MTHFD1: variants seen among roughly 807,000 people sequenced by gnomAD.
MTHFD1 encodes C-1-tetrahydrofolate synthase, cytoplasmic.
MTHFD1 carries 44 observed loss-of-function variants against 110.3 expected under a neutral mutation model. The observed-to-expected ratio is 0.40, with a 90% CI of 0.31 to 0.51. The LOEUF (loss-of-function observed/expected upper bound fraction) is 0.51. Among genes scored for constraint, MTHFD1 ranks in the 20% least tolerant of loss-of-function variants. MTHFD1 has a pLI of 0.60. For missense variants in MTHFD1, 909 were observed against 1,173.1 expected (o/e 0.77, Z 3.29); for synonymous variants, 402 against 428.8 (o/e 0.94, Z 0.77).
At chr14:64,389,954 CTGAG>C (rs1249342400) in intron 1 of MTHFD1, among the ~76,000 whole-genome samples, 3 of 152,158 alleles carry the variant, frequency 2.0e-5, no homozygotes, top group African/African-American at 7.2e-5. Flanking sequence ...TGGGCCAGTA[CTGAG>C]AATAGGTGCT....
rs779801406 is a variant in MTHFD1, at chr14:64,419,912, C to A, written c.714C>A (p.Ile238=). 8.1e-6 allele frequency: 13 copies of A among 1,612,138 alleles called. No individual in the cohort carries two copies. Among genetic ancestry groups the A allele is most frequent in the Non-Finnish European group, 1.1e-5 (13 of 1,178,358 alleles). ...GGGCAATAGTCATCGACTGTGGAAT[C>A]AATTATGTCCCAGGTGAGTGTTGTT... ...KPGAIVIDCG[I]NYVPDDKKPN... Residue 238 remains isoleucine (I), a synonymous_variant, in exon 8 of 28, where the codon ATC becomes ATA. Coordinates refer to ENST00000652337, the MANE Select transcript of MTHFD1 (RefSeq NM_005956.4).
intron 23 of MTHFD1, 142 bp from the exon 24 acceptor site, chr14:64,449,303 C>G: frequency 1.1e-6 from 1 of 919,154 alleles, no homozygotes; most frequent in South Asian, 1.4e-5. Flanking sequence ...AGTTTCGGAG[C>G]TGAGATTCAA....
At chr14:64,433,323 T>C (rs966818826) in intron 15 of MTHFD1, among the ~76,000 whole-genome samples, 1 of 152,244 alleles carries the variant, frequency 6.6e-6, no homozygotes, top group East Asian at 1.9e-4. Context: ...TTCATCATGT[T>C]GGCCAGGCTG....
chr14:64,388,636 G>C, intron 1 of MTHFD1, 168 bp downstream of exon 1: 1 of 714,608 alleles, frequency 1.4e-6, no homozygotes, highest in Non-Finnish European at 2.5e-6. Context: ...CACAACCTGC[G>C]TTTGCAAGTG....
At position 64,449,514 on chromosome 14, in the gene MTHFD1, G is replaced by C. The variant is rs61985661; in HGVS notation, c.2349G>C (p.Val783=). Residue 783 remains valine, a synonymous_variant, in exon 24 of 28, where the codon GTG becomes GTC. Coordinates refer to ENST00000652337, the MANE Select transcript of MTHFD1 (RefSeq NM_005956.4). ...LSREHGAFDA[V]KCTHWAEGGK... ...GAGAACATGGGGCTTTTGATGCCGT[G>C]AAGTGCACTCACTGGGCAGAAGGGG... 2.4e-5 allele frequency: 39 copies of C among 1,614,092 alleles called. No individual in the cohort carries two copies. The highest frequency in any genetic ancestry group is 5.3e-5 in the African/African-American group (4 of 74,948).
intron 2 of MTHFD1, among the ~76,000 whole-genome samples, chr14:64,403,200 C>T (rs763810841): frequency 1.3e-5 from 2 of 151,950 alleles, no homozygotes; most frequent in African/African-American, 2.4e-5. Context: ...CTGCAGCCTC[C>T]GCTCCCAGAT....
At chr14:64,456,319 C>T (rs545828964) in intron 26 of MTHFD1, among the ~76,000 whole-genome samples, 1 of 152,318 alleles carries the variant, frequency 6.6e-6, no homozygotes, top group African/African-American at 2.4e-5. Context: ...TATTCTAACA[C>T]CTTCCAGTTG....
chr14:64,437,312 C>T (rs2078213837), intron 16 of MTHFD1, among the ~76,000 whole-genome samples: 1 of 152,146 alleles, frequency 6.6e-6, no homozygotes, highest in Non-Finnish European at 1.5e-5. Context: ...TGTTCTAAAA[C>T]ATATTCAGCC....
chr14:64,441,602 C>G lies in MTHFD1; in HGVS notation c.1884+149C>G, dbSNP rs191805863. Reference sequence around the variant, plus strand: ...TGGGCAGATCACAAGGTCAGGAGATCGAGACCATCCTGGCTAACATGGTGA... The same window carrying G: ...TGGGCAGATCACAAGGTCAGGAGATGGAGACCATCCTGGCTAACATGGTGA... On this transcript the variant is annotated intron_variant, in intron 19 of 27. Coordinates refer to ENST00000652337, the MANE Select transcript of MTHFD1 (RefSeq NM_005956.4). The G allele has an allele frequency of 1.7e-3, 1,148 of 688,226 alleles. 8 individuals carry two copies. Among genetic ancestry groups the G allele is most frequent in the Middle Eastern group, 2.0e-3 (5 of 2,550 alleles). The allele number at this position is 688,226 out of a possible 1,614,324, so 42.6% of individuals were successfully genotyped here. A position where few individuals can be genotyped will look rare whatever the true frequency, so the allele number is the denominator to read the frequency against.
At chr14:64,409,347 C>A (rs928568118) in intron 2 of MTHFD1, among the ~76,000 whole-genome samples, 12 of 152,170 alleles carry the variant, frequency 7.9e-5, no homozygotes, top group African/African-American at 2.9e-4. Flanking sequence ...AGTTACATTT[C>A]ACTTACTTGA....
rs1346035803 is a variant in MTHFD1 at position 64,459,819 on chromosome 14, T to G, written c.*65T>G. On this transcript the variant is annotated 3_prime_UTR_variant, in exon 28 of 28. Coordinates refer to ENST00000652337, the MANE Select transcript of MTHFD1 (RefSeq NM_005956.4). ...CTGGCCAGTGTCTATTCAGGCCCAC[T>G]GGGAGTTAGGAAGTATAAGTAAGCC... 2 of 1,536,002 alleles carry G rather than the reference T, an allele frequency of 1.3e-6. No homozygotes were observed. The highest frequency in any genetic ancestry group is 1.4e-5 in the African/African-American group (1 of 73,166).
chr14:64,430,335 T>C, intron 13 of MTHFD1, 105 bp downstream of exon 13: 1 of 1,107,062 alleles, frequency 9.0e-7, no homozygotes, highest in East Asian at 2.4e-5. Flanking sequence ...TCTTGCTCTG[T>C]TGCCCAGAGC....
intron 15 of MTHFD1, among the ~76,000 whole-genome samples, chr14:64,433,786 G>A (rs111809053): frequency 1.0e-4 from 15 of 148,128 alleles, no homozygotes; most frequent in Non-Finnish European, 2.1e-4. Context: ...ATCCCAGAAC[G>A]TTGGGAAGCT....
chr14:64,436,570 C>A (rs1286239296), intron 16 of MTHFD1, among the ~76,000 whole-genome samples: 1 of 152,204 alleles, frequency 6.6e-6, no homozygotes, highest in East Asian at 1.9e-4. Flanking sequence ...AACAATGCAA[C>A]CTTCTATTCT....
At position 64,442,127 on chromosome 14, in the gene MTHFD1, G is replaced by A. The variant is rs2236225; in HGVS notation, c.1958G>A (p.Arg653Gln). 714,970 of 1,613,486 alleles carry A rather than the reference G, an allele frequency of 0.44. 162,717 individuals carry two copies. The highest frequency in any genetic ancestry group is 0.56 in the Admixed American group (33,672 of 60,004). ...GGCAATTCCTCCATCATTGCAGACC[G>A]GATCGCACTCAAGCTTGTTGGCCCA... is the stretch of plus-strand genomic sequence containing the variant. Reference protein sequence around the residue: ...AHGNSSIIADRIALKLVGPEG... With the variant: ...AHGNSSIIADQIALKLVGPEG... The change falls in exon 20 of 28, where the codon CGG becomes CAG. Residue 653 changes from arginine (R) to glutamine (Q), a missense_variant. Physicochemically the swap from Arg to Gln is conservative, Grantham distance 43. Around this residue, in one of 3 missense-constraint regions of MTHFD1, gnomAD observed 482 missense variants for 646.0 expected, o/e 0.75. Coordinates refer to ENST00000652337, the MANE Select transcript of MTHFD1 (RefSeq NM_005956.4).
At chr14:64,406,047 A>ATTTT (rs201337278) in intron 2 of MTHFD1, among the ~76,000 whole-genome samples, 1 of 147,746 alleles carries the variant, frequency 6.8e-6, no homozygotes, top group Non-Finnish European at 1.5e-5. Context: ...TATTATTATT[A>ATTTT]TTTTTTTTGA....
At chr14:64,397,699 T>C (rs1051241971) in intron 1 of MTHFD1, among the ~76,000 whole-genome samples, 1 of 152,254 alleles carries the variant, frequency 6.6e-6, no homozygotes, top group African/African-American at 2.4e-5. Context: ...ACTCTAAGCT[T>C]ATGGCACATT....
chr14:64,419,805 T>C lies in MTHFD1; in HGVS notation c.616-9T>C. ...TTTCATTTCTGATGTCCAAATCCCC[T>C]ACCCCTAGGTAAATAAAGGTGACAT... On this transcript the variant is annotated splice_polypyrimidine_tract_variant and intron_variant, in intron 7 of 27. Transcript: ENST00000652337. 1 of 1,588,974 alleles carries C rather than the reference T, an allele frequency of 6.3e-7. No individual in the cohort carries two copies. Among genetic ancestry groups the C allele is most frequent in the Non-Finnish European group, 8.6e-7 (1 of 1,157,056 alleles).
At chr14:64,442,778 T>C (rs1596553382) in intron 21 of MTHFD1, among the ~76,000 whole-genome samples, 1 of 152,148 alleles carries the variant, frequency 6.6e-6, no homozygotes, top group East Asian at 1.9e-4. Context: ...ACCAGTTAGC[T>C]GAGACAGAGG....
Sources: gnomAD v4.1 joint callset for allele counts (sites outside exome capture counted in the v4.1 genomes callset) on GRCh38, gnomAD v4.1.1 for gene constraint, gnomAD v4.1.1 regional missense constraint, MANE v1.5 for transcripts, NCBI Gene and HGNC (gene_info 2026-07-23, HGNC 2026-07-21) for gene names.